The following XYLT1 variants were observed in gnomAD, a reference collection of about 807,000 sequenced individuals.
XYLT1 encodes beta-D-xylosyltransferase 1.
In XYLT1, 36 loss-of-function variants were observed where a neutral mutation model predicts 91.3. The observed-to-expected ratio is 0.39, with a 90% CI of 0.30 to 0.52. The LOEUF (loss-of-function observed/expected upper bound fraction) is 0.52, where lower values mean the gene tolerates loss of function less well. Ranked by LOEUF, XYLT1 falls within the 20% of genes least tolerant of loss-of-function variation. The pLI is 0.68. For synonymous variants in XYLT1, 588 were observed against 532.0 expected, an observed-to-expected ratio of 1.11 and a Z score of -1.45; for missense variants, 1,242 against 1,284.5, an observed-to-expected ratio of 0.97 and a Z score of 0.51.
chr16:17,243,469 G>C (rs1395932718), intron 3 of XYLT1, among the ~76,000 whole-genome samples: 2 of 152,146 alleles, frequency 1.3e-5, no homozygotes, highest in African/African-American at 4.8e-5. Flanking sequence ...AGAGGAAAAA[G>C]GGGCTCCATT....
intron 7 of XYLT1, among the ~76,000 whole-genome samples, chr16:17,139,442 C>A (rs1460911740): frequency 6.6e-6 from 1 of 152,016 alleles, no homozygotes; most frequent in East Asian, 1.9e-4. Context: ...CAGGGAGGGG[C>A]AGAGAAAGCA....
At chr16:17,420,727 T>C (rs1378868567) in intron 1 of XYLT1, among the ~76,000 whole-genome samples, 2 of 152,214 alleles carry the variant, frequency 1.3e-5, no homozygotes, top group African/African-American at 2.4e-5. Context: ...TTCTATTGAA[T>C]GTGTGTGCAT....
rs1054533554 is a variant in XYLT1 at position 17,107,958 on chromosome 16, T to A, written c.*737A>T. The A allele has an allele frequency of 6.5e-6, 1 of 152,702 alleles. No individual in the cohort carries two copies. The highest frequency in any genetic ancestry group is 2.4e-5 in the African/African-American group (1 of 41,450). The allele number at this position is 152,702 out of a possible 1,614,324, so 9.5% of individuals were successfully genotyped here. A position where few individuals can be genotyped will look rare whatever the true frequency, so the allele number is the denominator to read the frequency against. Reference sequence around the variant, plus strand: ...TTGGCCATGCCACATCAAAAGGCTTTCCCACTTACCTAGTTACTAAGGAGA... The same window carrying A: ...TTGGCCATGCCACATCAAAAGGCTTACCCACTTACCTAGTTACTAAGGAGA... On this transcript the variant is annotated 3_prime_UTR_variant, in exon 12 of 12. Transcript: ENST00000261381.
chr16:17,385,524 T>A (rs1048450978), intron 1 of XYLT1, among the ~76,000 whole-genome samples: 5 of 151,914 alleles, frequency 3.3e-5, no homozygotes, highest in Non-Finnish European at 7.3e-5. Context: ...CAAATGCATT[T>A]TTGACACAAT....
intron 2 of XYLT1, among the ~76,000 whole-genome samples, chr16:17,271,730 G>A (rs1402291037): frequency 1.3e-5 from 2 of 152,166 alleles, no homozygotes; most frequent in African/African-American, 4.8e-5. Context: ...CCTGGAGTAG[G>A]AGTGGGGCAA....
intron 1 of XYLT1, among the ~76,000 whole-genome samples, chr16:17,430,119 T>C (rs1414078032): frequency 6.6e-6 from 1 of 151,906 alleles, no homozygotes; most frequent in Non-Finnish European, 1.5e-5. Flanking sequence ...GTATTTTTAG[T>C]AGAGACTGGG....
At chr16:17,255,679 A>G (rs1207016444) in intron 3 of XYLT1, among the ~76,000 whole-genome samples, 1 of 152,180 alleles carries the variant, frequency 6.6e-6, no homozygotes, top group Admixed American at 6.6e-5. Context: ...AGCAAGGCAG[A>G]AAGGAAGCTT....
intron 2 of XYLT1, among the ~76,000 whole-genome samples, chr16:17,353,697 G>A (rs1567388760): frequency 7.5e-6 from 1 of 132,796 alleles, no homozygotes; most frequent in East Asian, 1.9e-4. Flanking sequence ...GTGGATAGTT[G>A]TGCTAGGCAC....
intron 11 of XYLT1, among the ~76,000 whole-genome samples, chr16:17,109,597 A>C (rs1966826139): frequency 6.6e-6 from 1 of 152,242 alleles, no homozygotes; most frequent in African/African-American, 2.4e-5. Flanking sequence ...CCTTGGGCCA[A>C]ATGTGGCCCA....
chr16:17,406,552 G>A (rs1274637774), intron 1 of XYLT1, among the ~76,000 whole-genome samples: 1 of 152,186 alleles, frequency 6.6e-6, no homozygotes, highest in Non-Finnish European at 1.5e-5. Context: ...GAAAGAGAGC[G>A]GAGAAGACAA....
intron 1 of XYLT1, among the ~76,000 whole-genome samples, chr16:17,409,052 TAGTC>T (rs1442562287): frequency 2.0e-5 from 3 of 151,960 alleles, no homozygotes; most frequent in Admixed American, 1.3e-4. Flanking sequence ...AAGAAGGCCT[TAGTC>T]AGGGGAAAAA....
chr16:17,275,698 T>G (rs1457900124), intron 2 of XYLT1, among the ~76,000 whole-genome samples: 7 of 152,210 alleles, frequency 4.6e-5, no homozygotes, highest in Admixed American at 1.3e-4. Context: ...TTGATTCAAC[T>G]CCCAGGAAGC....
At chr16:17,176,127 T>C (rs1245801279) in intron 5 of XYLT1, among the ~76,000 whole-genome samples, 2 of 152,174 alleles carry the variant, frequency 1.3e-5, no homozygotes, top group African/African-American at 4.8e-5. Flanking sequence ...TGGTGTTATA[T>C]GGGACAAACA....
At chr16:17,291,455 C>A (rs2034225208) in intron 2 of XYLT1, among the ~76,000 whole-genome samples, 2 of 152,170 alleles carry the variant, frequency 1.3e-5, no homozygotes, top group Admixed American at 1.3e-4. Context: ...CTGGTAGTGG[C>A]ACAGTCAAGT....
chr16:17,374,426 T>C (rs893869482), intron 1 of XYLT1, among the ~76,000 whole-genome samples: 2 of 152,186 alleles, frequency 1.3e-5, no homozygotes, highest in African/African-American at 2.4e-5. Context: ...TCCTACTCCC[T>C]AGATTATAAT....
intron 3 of XYLT1, among the ~76,000 whole-genome samples, chr16:17,208,174 C>T (rs2032690526): frequency 6.6e-6 from 1 of 151,778 alleles, no homozygotes; most frequent in African/African-American, 2.4e-5. Flanking sequence ...TTGGTAGAGA[C>T]AGTGCCTTGC....
In XYLT1 at chr16:17,108,616, G is replaced by A; in HGVS notation, c.*79C>T. ...ACAGAGGGCCTCCCCCAGGGTGGGAGGCCGGGGTTCAGGCCCCACAACCCC... is the reference window on the plus strand; with the variant it reads ...ACAGAGGGCCTCCCCCAGGGTGGGAAGCCGGGGTTCAGGCCCCACAACCCC... On this transcript the variant is annotated 3_prime_UTR_variant, in exon 12 of 12. Transcript: ENST00000261381. The A allele has an allele frequency of 2.2e-6, 3 of 1,383,356 alleles. No homozygotes were observed. Among genetic ancestry groups the A allele is most frequent in the Non-Finnish European group, 1.9e-6 (2 of 1,042,862 alleles). The allele number at this position is 1,383,356 out of a possible 1,614,324, so 85.7% of individuals were successfully genotyped here.
intron 3 of XYLT1, among the ~76,000 whole-genome samples, chr16:17,258,438 A>G (rs1375300260): frequency 6.6e-6 from 1 of 151,802 alleles, no homozygotes; most frequent in East Asian, 1.9e-4. Context: ...TGAGGAAGGA[A>G]GGGAGGAAAA....
intron 3 of XYLT1, among the ~76,000 whole-genome samples, chr16:17,229,187 C>T (rs756854532): frequency 1.1e-4 from 17 of 152,112 alleles, no homozygotes; most frequent in Non-Finnish European, 1.5e-4. Context: ...TAGTGTCATT[C>T]GCCTCTGGCA....
Sources: gnomAD v4.1 joint callset for allele counts (sites outside exome capture counted in the v4.1 genomes callset) on GRCh38, gnomAD v4.1.1 for gene constraint, MANE v1.5 for transcripts, NCBI Gene and HGNC (gene_info 2026-07-23, HGNC 2026-07-21) for gene names.